The following ZNF148 variants were observed in gnomAD, a reference collection of about 807,000 sequenced individuals.
ZNF148 encodes the protein zinc finger protein 148, also known as Beta-Enolase Repressor Factor-1.
Under a neutral mutation model 67.7 loss-of-function variants are expected in ZNF148, and 7 were observed. That is an observed-to-expected ratio of 0.10 (90% CI 0.06 to 0.19). The LOEUF is 0.19. Ranked by LOEUF, ZNF148 falls within the 10% of genes least tolerant of loss-of-function variation. The probability of loss-of-function intolerance (pLI) is 1.00; values close to 1 mark genes in which losing one functional copy is unlikely to be tolerated. For synonymous variants in ZNF148, 333 were observed against 330.7 expected, an observed-to-expected ratio of 1.01 and a Z score of -0.08; for missense variants, 583 against 947.1, an observed-to-expected ratio of 0.62 and a Z score of 5.05.
At chr3:125,339,912 A>C (rs923691062) in intron 1 of ZNF148, among the ~76,000 whole-genome samples, 2 of 152,170 alleles carry the variant, frequency 1.3e-5, no homozygotes, top group Admixed American at 1.3e-4. Context: ...ATATACCATT[A>C]TTTTCAATGC....
At chr3:125,305,727 T>G (rs1939838400) in intron 4 of ZNF148, among the ~76,000 whole-genome samples, 1 of 150,524 alleles carries the variant, frequency 6.6e-6, no homozygotes, top group South Asian at 2.1e-4. Context: ...TTGTGAGGAT[T>G]ACTTGAGCTC....
At chr3:125,338,659 C>CAGA (rs1553712633) in intron 1 of ZNF148, among the ~76,000 whole-genome samples, 2 of 51,198 alleles carry the variant, frequency 3.9e-5, no homozygotes, top group Non-Finnish European at 6.6e-5. Context: ...GACCCTGTCT[C>CAGA]AAAAAAAAAA....
intron 2 of ZNF148, among the ~76,000 whole-genome samples, chr3:125,325,588 C>G (rs1433741601): frequency 6.6e-6 from 1 of 152,060 alleles, no homozygotes; most frequent in Non-Finnish European, 1.5e-5. Flanking sequence ...GCCTCAGCCT[C>G]CCGAGTAGCT....
chr3:125,312,431 G>T (rs1050056222), intron 4 of ZNF148, among the ~76,000 whole-genome samples: 3 of 152,210 alleles, frequency 2.0e-5, no homozygotes, highest in African/African-American at 7.2e-5. Flanking sequence ...CTGGACTACA[G>T]TGAAAAGTAA....
chr3:125,269,471 G>A (rs141289927), intron 7 of ZNF148, among the ~76,000 whole-genome samples: 9 of 151,322 alleles, frequency 5.9e-5, no homozygotes, highest in Admixed American at 1.3e-4. Flanking sequence ...ACATGTTGGC[G>A]AAGCTACAGA....
chr3:125,362,142 G>C (rs1211661678), intron 1 of ZNF148, among the ~76,000 whole-genome samples: 1 of 152,146 alleles, frequency 6.6e-6, no homozygotes, highest in Non-Finnish European at 1.5e-5. Flanking sequence ...TTCCACAACA[G>C]ATTTATTCTA....
chr3:125,318,635 C>G (rs535790692), intron 3 of ZNF148, among the ~76,000 whole-genome samples: 1 of 152,282 alleles, frequency 6.6e-6, no homozygotes, highest in Non-Finnish European at 1.5e-5. Flanking sequence ...AGACCTTAGG[C>G]AGCTGACACC....
At chr3:125,324,218 A>G (rs1044158498) in intron 2 of ZNF148, among the ~76,000 whole-genome samples, 1 of 152,126 alleles carries the variant, frequency 6.6e-6, no homozygotes, top group Non-Finnish European at 1.5e-5. Flanking sequence ...TACAAACAGT[A>G]ATCATACCTG....
At chr3:125,252,476 C>T (rs1253184504) in intron 7 of ZNF148, among the ~76,000 whole-genome samples, 1 of 152,060 alleles carries the variant, frequency 6.6e-6, no homozygotes, top group Non-Finnish European at 1.5e-5. Flanking sequence ...CTAGACCTAG[C>T]AACATTCATT....
chr3:125,257,857 CTT>C (rs886254879), intron 7 of ZNF148, among the ~76,000 whole-genome samples: 26 of 152,250 alleles, frequency 1.7e-4, no homozygotes, highest in African/African-American at 5.1e-4. Context: ...GAAAACTGCT[CTT>C]GTCTTGTTAC....
In ZNF148 at chr3:125,256,967, G is replaced by GTT. The variant is rs10576530; in HGVS notation, c.667+20757_667+20758dup. Among the ~76,000 whole-genome samples, 812 of 108,024 alleles carry GTT rather than the reference G, an allele frequency of 7.5e-3. 8 individuals carry two copies. The highest frequency in any genetic ancestry group is 0.027 in the African/African-American group (740 of 27,146). 70.9% of individuals were successfully genotyped at this position (108,024 alleles called of 152,430 possible). On this transcript the variant is annotated intron_variant, in intron 7 of 8. Coordinates refer to ENST00000360647, the MANE Select transcript of ZNF148 (RefSeq NM_021964.3). The stretch of plus-strand genomic sequence containing the variant: ...TATGTTTTCAGTTCCAGAACTTCCA[G>GTT]TTTTTTTTTTTTTTTTTTTTTTTTA...
At chr3:125,306,403 T>A (rs913426112) in intron 4 of ZNF148, among the ~76,000 whole-genome samples, 2 of 151,818 alleles carry the variant, frequency 1.3e-5, no homozygotes, top group African/African-American at 4.8e-5. Flanking sequence ...CCAGTCTAAT[T>A]AAGAAAAAGA....
At chr3:125,322,290 T>G (rs1940816836) in intron 3 of ZNF148, among the ~76,000 whole-genome samples, 1 of 151,944 alleles carries the variant, frequency 6.6e-6, no homozygotes, top group African/African-American at 2.4e-5. Flanking sequence ...CCTGCCAGCC[T>G]GCTGGGATTA....
At chr3:125,272,765 G>T (rs1937824943) in intron 7 of ZNF148, among the ~76,000 whole-genome samples, 2 of 152,022 alleles carry the variant, frequency 1.3e-5, no homozygotes, top group South Asian at 4.1e-4. Context: ...CAATCTTTTA[G>T]TATGAATTAT....
intron 5 of ZNF148, among the ~76,000 whole-genome samples, chr3:125,285,797 C>T (rs1938625766): frequency 6.6e-6 from 1 of 152,122 alleles, no homozygotes; most frequent in Non-Finnish European, 1.5e-5. Context: ...CTTATACGCA[C>T]TATACTTAGA....
intron 4 of ZNF148, among the ~76,000 whole-genome samples, chr3:125,308,049 T>C (rs1372595105): frequency 6.6e-6 from 1 of 152,188 alleles, no homozygotes; most frequent in East Asian, 1.9e-4. Context: ...CTATTCATCA[T>C]TGTTTTGTAG....
At chr3:125,255,763 A>T (rs112663477) in intron 7 of ZNF148, among the ~76,000 whole-genome samples, 14 of 152,234 alleles carry the variant, frequency 9.2e-5, no homozygotes, top group African/African-American at 2.9e-4. Context: ...TAAAGATGTC[A>T]TTCCATTTTT....
At chr3:125,261,554 G>T (rs1163649932) in intron 7 of ZNF148, among the ~76,000 whole-genome samples, 1 of 151,706 alleles carries the variant, frequency 6.6e-6, no homozygotes, top group Admixed American at 6.6e-5. Flanking sequence ...GGAAAATGAG[G>T]GATAGTGAAA....
intron 7 of ZNF148, among the ~76,000 whole-genome samples, chr3:125,258,445 AG>A (rs1553809016): frequency 6.9e-6 from 1 of 144,894 alleles, no homozygotes; most frequent in Non-Finnish European, 1.5e-5. Flanking sequence ...AAAAAAAAAA[AG>A]GGGGATAGCA....
Sources: allele counts gnomAD v4.1 joint callset (sites outside exome capture counted in the v4.1 genomes callset), GRCh38; gene constraint gnomAD v4.1.1; transcripts MANE v1.5; gene names NCBI Gene and HGNC (gene_info 2026-07-23, HGNC 2026-07-21).